USP34: variants seen among roughly 807,000 people sequenced by gnomAD.
USP34 encodes ubiquitin carboxyl-terminal hydrolase 34.
Under a neutral mutation model 460.3 loss-of-function variants are expected in USP34, and 70 were observed. The observed-to-expected ratio is 0.15, with a 90% confidence interval of 0.13 to 0.19. The LOEUF (loss-of-function observed/expected upper bound fraction) is 0.19. Ranked by LOEUF, USP34 falls within the 10% of genes least tolerant of loss-of-function variation. USP34 has a pLI of 1.00. For synonymous variants in USP34, 1,647 were observed against 1,405.3 expected, an observed-to-expected ratio of 1.17 and a Z score of -3.85; for missense variants, 3,985 against 4,236.2, an observed-to-expected ratio of 0.94 and a Z score of 1.65.
At chr2:61,216,901 G>A (rs1687419743) in intron 67 of USP34, among the ~76,000 whole-genome samples, 1 of 151,210 alleles carries the variant, frequency 6.6e-6, no homozygotes, top group African/African-American at 2.4e-5. Context: ...CTGGGCGATG[G>A]GGCAAGACTC....
At chr2:61,310,294 TTC>T (rs1690546345) in intron 27 of USP34, among the ~76,000 whole-genome samples, 2 of 152,294 alleles carry the variant, frequency 1.3e-5, no homozygotes, top group South Asian at 2.1e-4. Flanking sequence ...GACAAAGATA[TTC>T]TCTGTCACAT....
At chr2:61,242,155 A>G (rs1210846119) in intron 51 of USP34, among the ~76,000 whole-genome samples, 4 of 152,206 alleles carry the variant, frequency 2.6e-5, no homozygotes, top group Non-Finnish European at 5.9e-5. Flanking sequence ...AATGCAATAA[A>G]TAAGTGGAAA....
At chr2:61,215,120 AATG>A (rs1295500921) in intron 67 of USP34, among the ~76,000 whole-genome samples, 62 of 152,352 alleles carry the variant, frequency 4.1e-4, no homozygotes, top group African/African-American at 1.4e-3. Flanking sequence ...ATTGAAAAAT[AATG>A]ATAATTTACT....
chr2:61,450,397 A>T (rs544503679), intron 1 of USP34, among the ~76,000 whole-genome samples: 2 of 152,292 alleles, frequency 1.3e-5, no homozygotes, highest in East Asian at 3.9e-4. Flanking sequence ...GTCGGGTGCC[A>T]GTAAGGTATG....
chr2:61,211,658 A>G, intron 69 of USP34, 114 bp downstream of exon 69: 1 of 1,148,650 alleles, frequency 8.7e-7, no homozygotes, highest in Non-Finnish European at 1.2e-6. Context: ...AATGTTCCAA[A>G]GTGGCTACAT....
At chr2:61,442,560 G>GT (rs1694995902) in intron 1 of USP34, among the ~76,000 whole-genome samples, 2 of 151,934 alleles carry the variant, frequency 1.3e-5, no homozygotes, top group South Asian at 2.1e-4. Context: ...CCACAATGAA[G>GT]TATCTTACCC....
intron 16 of USP34, among the ~76,000 whole-genome samples, chr2:61,340,266 G>C (rs1691550677): frequency 6.6e-6 from 1 of 151,930 alleles, no homozygotes; most frequent in South Asian, 2.1e-4. Context: ...CAAATTAAAA[G>C]ACTCTTTTAT....
chr2:61,262,106 A>AT (rs1688900594), intron 43 of USP34, among the ~76,000 whole-genome samples: 1 of 92,652 alleles, frequency 1.1e-5, no homozygotes, highest in African/African-American at 4.4e-5. Flanking sequence ...AAAAAAAAAA[A>AT]AAAAAAAAAA....
chr2:61,274,428 C>G (rs1689312007), intron 41 of USP34, among the ~76,000 whole-genome samples: 1 of 143,084 alleles, frequency 7.0e-6, no homozygotes, highest in Non-Finnish European at 1.5e-5. Flanking sequence ...TAACAAAAAA[C>G]ATGAAGTCAA....
chr2:61,467,604 G>A lies in USP34; in HGVS notation c.43+3046C>T, dbSNP rs890717689. On this transcript the variant is annotated intron_variant, in intron 1 of 79. Coordinates refer to ENST00000398571, the MANE Select transcript of USP34 (RefSeq NM_014709.4). The stretch of plus-strand genomic sequence containing the variant: ...GATGAATTCTGAGCACATTTTGGGA[G>A]GACTGTAACTTTGTTTTTTTTTTTT... Among the ~76,000 whole-genome samples the A allele has an allele frequency of 2.0e-5, 3 of 148,498 alleles. No individual in the cohort carries two copies. In the Admixed American group the frequency reaches 2.0e-4, roughly 10 times the overall value.
intron 2 of USP34, among the ~76,000 whole-genome samples, chr2:61,419,075 A>G (rs1258140132): frequency 6.6e-6 from 1 of 152,116 alleles, no homozygotes; most frequent in Non-Finnish European, 1.5e-5. Context: ...TTATTATTCT[A>G]TTTCCACCAA....
chr2:61,306,700 A>G (rs1297653172), intron 27 of USP34, among the ~76,000 whole-genome samples: 1 of 152,234 alleles, frequency 6.6e-6, no homozygotes, highest in African/African-American at 2.4e-5. Context: ...TGCAGCCAAA[A>G]GACACATGAA....
intron 1 of USP34, among the ~76,000 whole-genome samples, chr2:61,461,807 T>A (rs746478250): frequency 5.3e-5 from 8 of 152,078 alleles, no homozygotes; most frequent in Non-Finnish European, 1.2e-4. Flanking sequence ...CACAGTAAAC[T>A]CACGTCTAGA....
At chr2:61,280,708 G>A (rs985714640) in intron 38 of USP34, among the ~76,000 whole-genome samples, 11 of 151,826 alleles carry the variant, frequency 7.2e-5, no homozygotes, top group African/African-American at 2.4e-4. Context: ...TATGAACTAG[G>A]GTAGGAAATA....
At chr2:61,299,633 T>C (rs556706052) in intron 29 of USP34, among the ~76,000 whole-genome samples, 2 of 152,144 alleles carry the variant, frequency 1.3e-5, no homozygotes, top group South Asian at 4.2e-4. Flanking sequence ...CACCTGGAGT[T>C]CCACCTATTC....
intron 33 of USP34, among the ~76,000 whole-genome samples, chr2:61,291,338 T>G (rs1447426111): frequency 6.6e-6 from 1 of 152,156 alleles, no homozygotes; most frequent in Admixed American, 6.5e-5. Context: ...CCTCACACAT[T>G]GCTGGTAGAA....
chr2:61,420,663 T>A, intron 2 of USP34, 83 bp downstream of exon 2: 1 of 997,094 alleles, frequency 1.0e-6, no homozygotes, highest in Non-Finnish European at 1.5e-6. Flanking sequence ...CCCAACACCC[T>A]AAAAAGAAAA....
At chr2:61,253,538 G>C (rs1352359612) in intron 48 of USP34, among the ~76,000 whole-genome samples, 1 of 152,092 alleles carries the variant, frequency 6.6e-6, no homozygotes, top group East Asian at 1.9e-4. Context: ...TACCCTTCTT[G>C]AAATTGGAAA....
At chr2:61,250,439 T>C (rs940576379) in intron 48 of USP34, 1 of 156,076 alleles carries the variant, frequency 6.4e-6, no homozygotes, top group Non-Finnish European at 1.4e-5. Flanking sequence ...CTCCTGTTTA[T>C]AGATTAAACA....
Sources: allele counts gnomAD v4.1 joint callset (sites outside exome capture counted in the v4.1 genomes callset), GRCh38; gene constraint gnomAD v4.1.1; transcripts MANE v1.5; gene names NCBI Gene and HGNC (gene_info 2026-07-23, HGNC 2026-07-21).